SSBP2: variants seen among roughly 807,000 people sequenced by gnomAD.
SSBP2 encodes single stranded DNA binding protein 2.
Under a neutral mutation model 61.8 loss-of-function variants are expected in SSBP2, and 17 were observed. The ratio of observed to expected loss-of-function variants is 0.28; its 90% CI spans 0.19 to 0.41. The LOEUF is 0.41. SSBP2 is among the 10% of genes least tolerant of loss of function. The pLI is 1.00. For synonymous variants in SSBP2, 139 were observed against 141.3 expected, an observed-to-expected ratio of 0.98 and a Z score of 0.12; for missense variants, 310 against 458.7, an observed-to-expected ratio of 0.68 and a Z score of 2.96.
chr5:81,666,683 T>C (rs957455047), intron 1 of SSBP2, among the ~76,000 whole-genome samples: 1 of 152,226 alleles, frequency 6.6e-6, no homozygotes, highest in Non-Finnish European at 1.5e-5. Flanking sequence ...CTTAGCAGTA[T>C]ACATTGGTAT....
intron 10 of SSBP2, among the ~76,000 whole-genome samples, chr5:81,449,597 AAAGAT>A: frequency 6.6e-6 from 1 of 152,210 alleles, no homozygotes; most frequent in Non-Finnish European, 1.5e-5. Flanking sequence ...ACAGTAGTGA[AAAGAT>A]AAGTGCTTGT....
intron 1 of SSBP2, among the ~76,000 whole-genome samples, chr5:81,673,322 G>A (rs1751726340): frequency 6.6e-6 from 1 of 152,222 alleles, no homozygotes; most frequent in Admixed American, 6.5e-5. Flanking sequence ...ATAAAACTAA[G>A]GAGCTAACTA....
At chr5:81,527,224 A>G (rs1020886752) in intron 4 of SSBP2, among the ~76,000 whole-genome samples, 1 of 152,018 alleles carries the variant, frequency 6.6e-6, no homozygotes, top group African/African-American at 2.4e-5. Flanking sequence ...TTTTAAATAG[A>G]TAACTCTGGT....
rs377020426 is a variant in SSBP2 at position 81,742,624 on chromosome 5, C to T, written c.62+8357G>A. 8.5e-5 allele frequency among the ~76,000 whole-genome samples: 13 copies of T among 152,250 alleles called. 1 individual carries two copies. In the South Asian group the frequency reaches 2.7e-3, roughly 32 times the overall value. On this transcript the variant is annotated intron_variant, in intron 1 of 16. Coordinates refer to ENST00000320672, the MANE Select transcript of SSBP2 (RefSeq NM_012446.5). ...GGCTCAGTGGCTCATGCCTGTAATC[C>T]TAGCACTTTGGGAGGCTGAGGCAGG...
chr5:81,548,533 C>T (rs1315083343), intron 4 of SSBP2, among the ~76,000 whole-genome samples: 1 of 152,158 alleles, frequency 6.6e-6, no homozygotes, highest in Non-Finnish European at 1.5e-5. Context: ...CCAAGTAGTA[C>T]TTCATGACAT....
At chr5:81,467,265 T>A (rs1380864389) in intron 8 of SSBP2, among the ~76,000 whole-genome samples, 200 bp from the exon 9 acceptor site, 1 of 152,048 alleles carries the variant, frequency 6.6e-6, no homozygotes, top group Non-Finnish European at 1.5e-5. Flanking sequence ...GTATGATCAC[T>A]GGAGCACGTT....
In SSBP2 at chr5:81,724,680, T is replaced by C. The variant is rs115631584; in HGVS notation, c.62+26301A>G. Among the ~76,000 whole-genome samples the C allele has an allele frequency of 3.3e-3, 497 of 152,056 alleles. 2 individuals carry two copies. Among genetic ancestry groups the C allele is most frequent in the African/African-American group, 0.011 (477 of 41,494 alleles). ...GACCCAAATATAAAATATAAAATTA[T>C]AAAGCAAATAGAAAATGGAGAGGGA... On this transcript the variant is annotated intron_variant, in intron 1 of 16. Coordinates refer to ENST00000320672, the MANE Select transcript of SSBP2 (RefSeq NM_012446.5).
intron 1 of SSBP2, among the ~76,000 whole-genome samples, chr5:81,702,792 G>T (rs1258161495): frequency 6.6e-6 from 1 of 152,112 alleles, no homozygotes; most frequent in East Asian, 1.9e-4. Context: ...ATGTCCCCCT[G>T]AAGAGCTACA....
At chr5:81,687,724 A>G (rs1581347889) in intron 1 of SSBP2, among the ~76,000 whole-genome samples, 1 of 152,298 alleles carries the variant, frequency 6.6e-6, no homozygotes, top group Middle Eastern at 3.4e-3. Flanking sequence ...CCTAGCTCCC[A>G]GAAGACATTT....
chr5:81,665,518 G>C (rs1171135258), intron 1 of SSBP2, among the ~76,000 whole-genome samples: 1 of 152,156 alleles, frequency 6.6e-6, no homozygotes, highest in African/African-American at 2.4e-5. Context: ...AATTGAGACA[G>C]AGTCTCACTC....
rs546816309 is a variant in SSBP2 at position 81,449,728 on chromosome 5, AT to A, written c.688-904del. On this transcript the variant is annotated intron_variant, in intron 10 of 16. Transcript: ENST00000320672. The stretch of plus-strand genomic sequence containing the variant: ...AAGTTATGATTTCCTCTTGATAAAT[AT>A]TTGTTTTTTTGGAAATATTTAATAT... Among the ~76,000 whole-genome samples, 21 of 152,262 alleles carry A rather than the reference AT, an allele frequency of 1.4e-4. 1 individual carries two copies. In the East Asian group the frequency reaches 4.1e-3, roughly 29 times the overall value.
chr5:81,465,535 T>C (rs1236558276), intron 9 of SSBP2, among the ~76,000 whole-genome samples: 2 of 152,064 alleles, frequency 1.3e-5, no homozygotes, highest in Admixed American at 6.6e-5. Flanking sequence ...TCAATTATAA[T>C]GCAGAGTAAT....
chr5:81,444,754 A>G (rs554916449), intron 12 of SSBP2, among the ~76,000 whole-genome samples: 31 of 152,140 alleles, frequency 2.0e-4, no homozygotes, highest in Non-Finnish European at 3.8e-4. Context: ...TGCACAAAGA[A>G]AAGAAATTTA....
intron 1 of SSBP2, among the ~76,000 whole-genome samples, chr5:81,712,868 T>C (rs1214812363): frequency 6.6e-6 from 1 of 151,566 alleles, no homozygotes; most frequent in Non-Finnish European, 1.5e-5. Context: ...GGACTACAGG[T>C]ATGCGCCATC....
At chr5:81,448,611 G>C (rs1763560442) in intron 11 of SSBP2, among the ~76,000 whole-genome samples, 179 bp downstream of exon 11, 1 of 152,198 alleles carries the variant, frequency 6.6e-6, no homozygotes, top group African/African-American at 2.4e-5. Context: ...TGGCCAGATT[G>C]ATAACTGTTT....
At chr5:81,519,222 A>C (rs1349629893) in intron 4 of SSBP2, among the ~76,000 whole-genome samples, 1 of 152,102 alleles carries the variant, frequency 6.6e-6, no homozygotes, top group African/African-American at 2.4e-5. Context: ...AAGCAGTAAA[A>C]CTGCCTTAGA....
chr5:81,448,108 T>C (rs1039502043), intron 11 of SSBP2: 2 of 152,204 alleles, frequency 1.3e-5, no homozygotes, highest in African/African-American at 4.8e-5. Context: ...CTTGTTTCTC[T>C]GTTAGGTGTT....
intron 4 of SSBP2, among the ~76,000 whole-genome samples, chr5:81,560,825 CAT>C (rs1356844233): frequency 7.2e-5 from 11 of 151,992 alleles, no homozygotes; most frequent in African/African-American, 1.7e-4. Context: ...GATTTAATAA[CAT>C]ATGATGTTTT....
intron 14 of SSBP2, chr5:81,437,827 A>G (rs1336194173): frequency 6.5e-6 from 1 of 153,170 alleles, no homozygotes; most frequent in African/African-American, 2.4e-5. Flanking sequence ...TATTTTTTGA[A>G]AATGATGCTG....
Sources: gnomAD v4.1 joint callset for allele counts (sites outside exome capture counted in the v4.1 genomes callset) on GRCh38, gnomAD v4.1.1 for gene constraint, MANE v1.5 for transcripts, NCBI Gene and HGNC (gene_info 2026-07-23, HGNC 2026-07-21) for gene names.